Variants in ARID1B observed in about 807,000 individuals in gnomAD.
The protein encoded by ARID1B is AT-rich interaction domain 1B, also known as AT-rich interactive domain-containing protein 1B.
A neutral mutation model predicts 212.3 loss-of-function variants in ARID1B; 30 were observed. The ratio of observed to expected loss-of-function variants is 0.14; its 90% confidence interval spans 0.11 to 0.19. The LOEUF is 0.19. Among genes scored for constraint, ARID1B ranks in the 10% least tolerant of loss-of-function variants. ARID1B has a pLI of 1.00. For missense variants in ARID1B, 2,891 were observed against 3,204.0 expected (o/e 0.90, Z 2.36); for synonymous variants, 1,402 against 1,301.7 (o/e 1.08, Z -1.66).
At chr6:156,825,251 C>T (rs1256722931) in intron 1 of ARID1B, among the ~76,000 whole-genome samples, 2 of 152,158 alleles carry the variant, frequency 1.3e-5, no homozygotes, top group Non-Finnish European at 2.9e-5. Flanking sequence ...AAATAGAGGA[C>T]ACAGCAGGAT....
chr6:156,804,867 C>CAA (rs61315445), intron 1 of ARID1B, among the ~76,000 whole-genome samples: 947 of 84,756 alleles, frequency 0.011, 20 homozygotes, highest in Non-Finnish European at 0.014. Flanking sequence ...ATCTGATTGG[C>CAA]AAAAAAAAAA....
chr6:156,998,114 T>C (rs1298693494), intron 4 of ARID1B, among the ~76,000 whole-genome samples: 1 of 152,086 alleles, frequency 6.6e-6, no homozygotes, highest in African/African-American at 2.4e-5. Context: ...TTGGTATGGA[T>C]AGAAAGCAAC....
At chr6:156,871,537 A>G in intron 2 of ARID1B, 2 of 1,352,742 alleles carry the variant, frequency 1.5e-6, no homozygotes, top group Non-Finnish European at 2.1e-6. Flanking sequence ...CTAATTAATA[A>G]GCCACAGGGC....
intron 4 of ARID1B, among the ~76,000 whole-genome samples, chr6:157,047,131 A>G (rs778869550): frequency 1.1e-4 from 17 of 152,234 alleles, no homozygotes; most frequent in Non-Finnish European, 2.1e-4. Context: ...GTTCAACCCA[A>G]TGTACTAGGA....
intron 2 of ARID1B, among the ~76,000 whole-genome samples, chr6:156,868,631 C>A (rs901755622): frequency 6.6e-6 from 1 of 152,162 alleles, no homozygotes; most frequent in Non-Finnish European, 1.5e-5. Flanking sequence ...CAGTACCATT[C>A]ATGAGGGCTG....
intron 2 of ARID1B, among the ~76,000 whole-genome samples, chr6:156,900,392 C>T (rs1788821224): frequency 6.6e-6 from 1 of 152,118 alleles, no homozygotes; most frequent in South Asian, 2.1e-4. Flanking sequence ...TTTCCTCATT[C>T]AGTATTTCTA....
chr6:157,025,976 G>A (rs943180610), intron 4 of ARID1B, among the ~76,000 whole-genome samples: 37 of 151,456 alleles, frequency 2.4e-4, no homozygotes, highest in South Asian at 1.0e-3. Context: ...CCAGGTTGGC[G>A]TGCAGTGGCA....
At position 157,084,142 on chromosome 6, in the gene ARID1B, C is replaced by A. The variant is rs374368298; in HGVS notation, c.2248-520C>A. 4.6e-3 allele frequency among the ~76,000 whole-genome samples: 675 copies of A among 147,722 alleles called. 18 individuals carry two copies. Among genetic ancestry groups the A allele is most frequent in the African/African-American group, 0.016 (657 of 40,038 alleles). On this transcript the variant is annotated intron_variant, in intron 4 of 19. Coordinates refer to ENST00000636930, the MANE Select transcript of ARID1B (RefSeq NM_001374828.1). ...AGAGTGAGACTTCATCACCTCCCCCCCAAAAAAAAAAAAACTTTCTCATCA... is the reference window on the plus strand; with the variant it reads ...AGAGTGAGACTTCATCACCTCCCCCACAAAAAAAAAAAAACTTTCTCATCA...
At chr6:156,884,777 A>T (rs9383815) in intron 2 of ARID1B, among the ~76,000 whole-genome samples, 17,455 of 152,208 alleles carry the variant, frequency 0.11, 1,207 homozygotes, top group East Asian at 0.3. Context: ...TTTTTCTGGC[A>T]GTAAGAAATA....
chr6:157,164,485 G>A (rs1172850763), intron 8 of ARID1B, among the ~76,000 whole-genome samples: 1 of 152,128 alleles, frequency 6.6e-6, no homozygotes, highest in Non-Finnish European at 1.5e-5. Flanking sequence ...AGTGTCTCAA[G>A]GAACCATTAG....
intron 4 of ARID1B, among the ~76,000 whole-genome samples, chr6:156,968,065 T>C (rs1427255795): frequency 6.6e-6 from 1 of 152,252 alleles, no homozygotes; most frequent in Non-Finnish European, 1.5e-5. Flanking sequence ...CTGCAGTCTC[T>C]TTCCTGCAGG....
At chr6:157,196,370 C>G in intron 16 of ARID1B, 55 bp downstream of exon 16, 1 of 1,555,958 alleles carries the variant, frequency 6.4e-7, no homozygotes, top group East Asian at 2.3e-5. Context: ...GTGCTTTCCT[C>G]ACACACACAT....
intron 4 of ARID1B, among the ~76,000 whole-genome samples, chr6:157,017,919 C>T (rs1172006424): frequency 1.4e-5 from 2 of 141,420 alleles, no homozygotes; most frequent in African/African-American, 5.3e-5. Context: ...TGCTTGAGCC[C>T]AGGAGTTGGA....
At chr6:157,130,101 G>A (rs748805144) in intron 6 of ARID1B, among the ~76,000 whole-genome samples, 1 of 152,112 alleles carries the variant, frequency 6.6e-6, no homozygotes, top group Non-Finnish European at 1.5e-5. Flanking sequence ...GTTGGGAGGT[G>A]GAGGTTGTAG....
chr6:157,047,247 G>C (rs1782297961), intron 4 of ARID1B, among the ~76,000 whole-genome samples: 1 of 152,144 alleles, frequency 6.6e-6, no homozygotes, highest in Admixed American at 6.5e-5. Flanking sequence ...TGAGGTATTA[G>C]GTGATCACGA....
At chr6:157,015,128 TAA>T (rs1288874411) in intron 4 of ARID1B, among the ~76,000 whole-genome samples, 1 of 152,068 alleles carries the variant, frequency 6.6e-6, no homozygotes, top group Non-Finnish European at 1.5e-5. Flanking sequence ...ATTTGGGGAG[TAA>T]GTTTGAACGG....
intron 1 of ARID1B, among the ~76,000 whole-genome samples, chr6:156,816,590 C>T (rs567499832): frequency 2.6e-5 from 4 of 152,126 alleles, no homozygotes; most frequent in African/African-American, 9.7e-5. Context: ...CTGTGGGGAA[C>T]GGTGGAGCCT....
intron 4 of ARID1B, among the ~76,000 whole-genome samples, chr6:157,068,676 T>G (rs767292217): frequency 6.6e-6 from 1 of 152,230 alleles, no homozygotes; most frequent in Non-Finnish European, 1.5e-5. Flanking sequence ...ATGAAAAGAT[T>G]TTGAGATCAT....
chr6:157,047,849 C>G (rs1372486007), intron 4 of ARID1B, among the ~76,000 whole-genome samples: 3 of 152,200 alleles, frequency 2.0e-5, no homozygotes, highest in Non-Finnish European at 4.4e-5. Flanking sequence ...CACCCTCAAA[C>G]ACCTGTTCAT....
Sources: gnomAD v4.1 joint callset for allele counts (sites outside exome capture counted in the v4.1 genomes callset) on GRCh38, gnomAD v4.1.1 for gene constraint, MANE v1.5 for transcripts, NCBI Gene and HGNC (gene_info 2026-07-23, HGNC 2026-07-21) for gene names.